The following COX7B2 variants were observed in gnomAD, a reference collection of about 807,000 sequenced individuals.
The protein encoded by COX7B2 is cytochrome c oxidase subunit 7B2, also known as cytochrome c oxidase subunit 7B2, mitochondrial.
For missense variants in COX7B2, 109 were observed against 95.9 expected (o/e 1.14, Z -0.57); for synonymous variants, 37 against 32.1 (o/e 1.15, Z -0.51).
intron 2 of COX7B2, among the ~76,000 whole-genome samples, chr4:46,805,124 C>T (rs1038263573): frequency 3.3e-5 from 5 of 152,352 alleles, no homozygotes; most frequent in East Asian, 1.9e-4. Context: ...CCAGAACTCG[C>T]GCTGGCCTCC....
At chr4:46,840,481 TGAGA>T (rs370686702) in intron 2 of COX7B2, among the ~76,000 whole-genome samples, 1,670 of 152,044 alleles carry the variant, frequency 0.011, 19 homozygotes, top group Middle Eastern at 0.041. Flanking sequence ...ACATGAGTGC[TGAGA>T]GAGAGTCAAT....
chr4:46,780,376 G>T (rs936744536), intron 2 of COX7B2, among the ~76,000 whole-genome samples: 2 of 152,114 alleles, frequency 1.3e-5, no homozygotes, highest in Non-Finnish European at 2.9e-5. Flanking sequence ...AATTAGCAGG[G>T]CGTGATGATG....
chr4:46,885,592 A>G (rs1247868652), intron 1 of COX7B2, among the ~76,000 whole-genome samples: 1 of 152,152 alleles, frequency 6.6e-6, no homozygotes, highest in Non-Finnish European at 1.5e-5. Flanking sequence ...TCCATGTTTG[A>G]TATCAGATGC....
chr4:46,853,912 A>C (rs140104897), intron 1 of COX7B2, among the ~76,000 whole-genome samples: 1 of 152,278 alleles, frequency 6.6e-6, no homozygotes, highest in East Asian at 1.9e-4. Flanking sequence ...ATTTAAGTAC[A>C]TGTTTTCACA....
chr4:46,840,882 A>G lies in COX7B2; in HGVS notation c.-50+4078T>C, dbSNP rs550744005. 5.9e-5 allele frequency among the ~76,000 whole-genome samples: 9 copies of G among 152,124 alleles called. No homozygotes were observed. The South Asian group carries it at 1.9e-3, about 32-fold the overall frequency. On this transcript the variant is annotated intron_variant, in intron 2 of 2. Coordinates refer to ENST00000355591, the MANE Select transcript of COX7B2 (RefSeq NM_130902.3). ...CTGGGAAGGATTACAGTAAAAAATA[A>G]AAGTAGAGCTGGGTTTTGAAACAAA... is the stretch of plus-strand genomic sequence containing the variant.
At chr4:46,820,345 G>T (rs1714185815) in intron 2 of COX7B2, among the ~76,000 whole-genome samples, 1 of 152,116 alleles carries the variant, frequency 6.6e-6, no homozygotes, top group African/African-American at 2.4e-5. Context: ...TCTGACGGGA[G>T]GTGGAACTCA....
At chr4:46,797,776 C>A (rs532979363) in intron 2 of COX7B2, among the ~76,000 whole-genome samples, 77 of 152,278 alleles carry the variant, frequency 5.1e-4, no homozygotes, top group African/African-American at 1.8e-3. Context: ...AAGGTGGTGA[C>A]TCTAATTGCA....
chr4:46,796,347 A>G (rs1718343134), intron 2 of COX7B2, among the ~76,000 whole-genome samples: 1 of 149,448 alleles, frequency 6.7e-6, no homozygotes, highest in Non-Finnish European at 1.5e-5. Context: ...AGAAATGCTC[A>G]TCATCACTGG....
chr4:46,743,168 T>C (rs1714813719), intron 2 of COX7B2, among the ~76,000 whole-genome samples: 1 of 152,186 alleles, frequency 6.6e-6, no homozygotes, highest in Admixed American at 6.5e-5. Flanking sequence ...AAACTTCAAG[T>C]AGGCCCAACA....
Position 46,847,864 on chromosome 4 carries a change from G to A in COX7B2, c.-104-2850C>T, listed in dbSNP as rs146145364. On this transcript the variant is annotated intron_variant, in intron 1 of 2. Coordinates refer to ENST00000355591, the MANE Select transcript of COX7B2 (RefSeq NM_130902.3). ...AGGTAATCAGCATTGAAAATGACAG[G>A]AGAAGCCGGGTTCAGCCACTTCCAC... Among the ~76,000 whole-genome samples, 914 of 152,092 alleles carry A rather than the reference G, an allele frequency of 6.0e-3. 5 individuals carry two copies. The highest frequency in any genetic ancestry group is 0.026 in the South Asian group (127 of 4,832).
At chr4:46,781,529 C>G (rs1274622377) in intron 2 of COX7B2, among the ~76,000 whole-genome samples, 1 of 152,222 alleles carries the variant, frequency 6.6e-6, no homozygotes, top group Non-Finnish European at 1.5e-5. Context: ...TGCTAGCAGC[C>G]CTCGCTTGCT....
chr4:46,760,523 C>T (rs1012608436), intron 2 of COX7B2, among the ~76,000 whole-genome samples: 20 of 151,772 alleles, frequency 1.3e-4, no homozygotes, highest in Admixed American at 1.2e-3. Flanking sequence ...CACATGGACA[C>T]GGAGGGGCAG....
intron 2 of COX7B2, among the ~76,000 whole-genome samples, chr4:46,762,709 C>T (rs968114567): frequency 1.5e-4 from 22 of 147,718 alleles, no homozygotes; most frequent in Admixed American, 9.8e-4. Context: ...TCCATTGTCA[C>T]CTGGTACTAC....
intron 2 of COX7B2, among the ~76,000 whole-genome samples, chr4:46,768,208 G>A (rs939623261): frequency 6.6e-5 from 10 of 152,190 alleles, no homozygotes; most frequent in Admixed American, 5.9e-4. Flanking sequence ...TGGACTTGAA[G>A]GATGGTGAAT....
intron 2 of COX7B2, among the ~76,000 whole-genome samples, chr4:46,754,557 G>C (rs77602323): frequency 4.0e-5 from 4 of 100,622 alleles, no homozygotes; most frequent in Non-Finnish European, 5.8e-5. Context: ...GGGGGGAGGG[G>C]GGAGGGATAG....
intron 1 of COX7B2, among the ~76,000 whole-genome samples, chr4:46,874,620 T>C (rs1718206902): frequency 6.6e-6 from 1 of 152,150 alleles, no homozygotes; most frequent in South Asian, 2.1e-4. Context: ...TATTTCGAAA[T>C]CAAGTTTATG....
intron 2 of COX7B2, among the ~76,000 whole-genome samples, chr4:46,826,002 T>C (rs976144993): frequency 6.6e-6 from 1 of 152,168 alleles, no homozygotes; most frequent in Non-Finnish European, 1.5e-5. Context: ...CCAAAAGCTA[T>C]TGCAACAAAA....
rs188749041 is a variant in COX7B2, at chr4:46,805,953, T to A, written c.-50+39007A>T. On this transcript the variant is annotated intron_variant, in intron 2 of 2. Coordinates refer to ENST00000355591, the MANE Select transcript of COX7B2 (RefSeq NM_130902.3). Reference sequence around the variant, plus strand: ...CTTAAAATCACCTGGGATCCAGGATTTTTTCTTCTTCCTTTATCTTCCTAA... The same window carrying A: ...CTTAAAATCACCTGGGATCCAGGATATTTTCTTCTTCCTTTATCTTCCTAA... Among the ~76,000 whole-genome samples the A allele has an allele frequency of 3.2e-3, 490 of 152,276 alleles. 2 individuals carry two copies. The highest frequency in any genetic ancestry group is 5.0e-3 in the Non-Finnish European group (338 of 67,998).
At chr4:46,899,186 T>C (rs986336220) in intron 1 of COX7B2, among the ~76,000 whole-genome samples, 1 of 152,208 alleles carries the variant, frequency 6.6e-6, no homozygotes, top group African/African-American at 2.4e-5. Context: ...CCTCTCCTTT[T>C]TCAACTACTA....
Sources: gnomAD v4.1 joint callset for allele counts (sites outside exome capture counted in the v4.1 genomes callset) on GRCh38, gnomAD v4.1.1 for gene constraint, MANE v1.5 for transcripts, NCBI Gene and HGNC (gene_info 2026-07-23, HGNC 2026-07-21) for gene names.